ASIP: variants seen among roughly 807,000 people sequenced by gnomAD.
ASIP encodes the protein agouti signaling protein.
A neutral mutation model predicts 10.3 loss-of-function variants in ASIP; 11 were observed. That is an observed-to-expected ratio of 1.07 (90% CI 0.68 to 1.78). The LOEUF (loss-of-function observed/expected upper bound fraction) is 1.78. Ranked by LOEUF, ASIP falls within the 40% of genes most tolerant of loss-of-function variation. The pLI, the probability that ASIP is intolerant of heterozygous loss-of-function variation, is 0.00. For synonymous variants in ASIP, 70 were observed against 70.8 expected, an observed-to-expected ratio of 0.99 and a Z score of 0.06; for missense variants, 180 against 169.2, an observed-to-expected ratio of 1.06 and a Z score of -0.35.
In ASIP at chr20:34,260,436, AC is replaced by A. The variant is rs2035669604; in HGVS notation, c.63del (p.Asn21LysfsTer16). ...GTCTTCCTCTGCTTCTTCACTGCCA[AC>A]AGCCACCTGCCACCTGAGGAGAAGC... ...LLVFLCFFTA[N>X]SHLPPEEKLR... is the part of the protein sequence containing the mutation. On this transcript the variant is annotated frameshift_variant, in exon 2 of 4. Coordinates refer to ENST00000374954, the MANE Select transcript of ASIP (RefSeq NM_001672.3). LOFTEE classifies it high-confidence loss of function. 1 of 1,613,920 alleles carries A rather than the reference AC, an allele frequency of 6.2e-7. No homozygotes were observed. Among genetic ancestry groups the A allele is most frequent in the African/African-American group, 1.3e-5 (1 of 74,906 alleles).
upstream of ASIP, among the ~76,000 whole-genome samples, chr20:34,193,541 T>C (rs2034837192): frequency 1.3e-5 from 2 of 152,126 alleles, no homozygotes; most frequent in Non-Finnish European, 1.5e-5. Flanking sequence ...GCACAAAGGA[T>C]TGAAAGGGCT....
chr20:34,233,143 CT>C (rs755217642), intron 1 of ASIP, among the ~76,000 whole-genome samples: 22,433 of 100,052 alleles, frequency 0.22, 1,437 homozygotes, highest in Admixed American at 0.27. Context: ...GGGACAAGAG[CT>C]TTTTTTTTTT....
At position 34,269,169 on chromosome 20, in the gene ASIP, C is replaced by A; in HGVS notation, c.*2C>A. Reference sequence around the variant, plus strand: ...CGCGTGCTCAGCCTCAACTGCTGAGCGCCCCCACTCCCGGCCGCGAGCAGG... The same window carrying A: ...CGCGTGCTCAGCCTCAACTGCTGAGAGCCCCCACTCCCGGCCGCGAGCAGG... On this transcript the variant is annotated 3_prime_UTR_variant, in exon 4 of 4. Coordinates refer to ENST00000374954, the MANE Select transcript of ASIP (RefSeq NM_001672.3). 1 of 1,516,784 alleles carries A rather than the reference C, an allele frequency of 6.6e-7. No homozygotes were observed. The highest frequency in any genetic ancestry group is 8.8e-7 in the Non-Finnish European group (1 of 1,131,366). The allele number at this position is 1,516,784 out of a possible 1,614,324, so 94.0% of individuals were successfully genotyped here. A position where few individuals can be genotyped will look rare whatever the true frequency, so the allele number is the denominator to read the frequency against.
At chr20:34,215,337 T>G in intron 1 of ASIP, 1 of 1,573,426 alleles carries the variant, frequency 6.4e-7, no homozygotes. Flanking sequence ...GGTACCATGA[T>G]TCCACCAGAT....
At chr20:34,239,227 T>A (rs570233187), upstream of ASIP, among the ~76,000 whole-genome samples, 2 of 152,130 alleles carry the variant, frequency 1.3e-5, no homozygotes, top group African/African-American at 4.8e-5. Flanking sequence ...CAACCCCATG[T>A]TCAAATACTT....
At chr20:34,261,353 A>T (rs1308738281) in intron 2 of ASIP, among the ~76,000 whole-genome samples, 3 of 152,036 alleles carry the variant, frequency 2.0e-5, no homozygotes, top group African/African-American at 4.8e-5. Context: ...TTTAAAAACT[A>T]GCAAGGCACG....
At chr20:34,210,369 G>C (rs1163667150) in intron 1 of ASIP, among the ~76,000 whole-genome samples, 1 of 152,248 alleles carries the variant, frequency 6.6e-6, no homozygotes, top group Non-Finnish European at 1.5e-5. Flanking sequence ...ACATTCCCCA[G>C]TGGCAGGTGT....
chr20:34,245,381 A>G (rs554790902), intron 1 of ASIP, among the ~76,000 whole-genome samples: 11 of 151,018 alleles, frequency 7.3e-5, no homozygotes, highest in Non-Finnish European at 1.3e-4. Context: ...GTCAGTACCA[A>G]ATGACCAAAT....
At position 34,202,845 on chromosome 20, in the gene ASIP, G is replaced by A. The variant is rs557287602; in HGVS notation, c.-11+8085G>A. On this transcript the variant is annotated intron_variant, in intron 1 of 3. Transcript: ENST00000568305. ...TTTTTTCGAGATGGAGTCTTGCTCT[G>A]TTGCCCAGGCTGGAGTGCAGCGGCA... Among the ~76,000 whole-genome samples the A allele has an allele frequency of 5.0e-4, 53 of 107,056 alleles. No homozygotes were observed. The East Asian group carries it at 0.015, about 30-fold the overall frequency. 70.2% of individuals were successfully genotyped at this position (107,056 alleles called of 152,430 possible). A position where few individuals can be genotyped will look rare whatever the true frequency, so the allele number is the denominator to read the frequency against.
chr20:34,234,646 A>T (rs2035154250), intron 1 of ASIP, among the ~76,000 whole-genome samples: 1 of 152,034 alleles, frequency 6.6e-6, no homozygotes, highest in Non-Finnish European at 1.5e-5. Flanking sequence ...TACTAAAAAT[A>T]CAAAAATTCG....
intron 1 of ASIP, among the ~76,000 whole-genome samples, chr20:34,259,379 G>T (rs561725362): frequency 1.3e-5 from 2 of 151,754 alleles, no homozygotes; most frequent in Non-Finnish European, 2.9e-5. Flanking sequence ...CAGGTGTGGT[G>T]GTGGGCACCT....
intron 1 of ASIP, among the ~76,000 whole-genome samples, chr20:34,221,152 G>T (rs1258444268): frequency 1.3e-5 from 2 of 151,908 alleles, no homozygotes; most frequent in Non-Finnish European, 2.9e-5. Context: ...GCTGAGGCGG[G>T]TGGATCACGA....
At chr20:34,187,420 A>G in the ASIP span, among the ~76,000 whole-genome samples, 1 of 152,184 alleles carries the variant, frequency 6.6e-6, no homozygotes, top group Non-Finnish European at 1.5e-5. Context: ...GAAAAAATCA[A>G]TCCCCTGCTC....
At chr20:34,203,679 G>A (rs955961623) in intron 1 of ASIP, among the ~76,000 whole-genome samples, 3 of 152,104 alleles carry the variant, frequency 2.0e-5, no homozygotes, top group Admixed American at 1.3e-4. Flanking sequence ...TTACAGGCAT[G>A]AGCCAATGCA....
At chr20:34,219,636 A>C (rs2035032013) in intron 1 of ASIP, among the ~76,000 whole-genome samples, 1 of 152,244 alleles carries the variant, frequency 6.6e-6, no homozygotes, top group African/African-American at 2.4e-5. Flanking sequence ...ACACTGTATA[A>C]GCACTTACTA....
intron 1 of ASIP, among the ~76,000 whole-genome samples, chr20:34,198,056 ATTT>A (rs35269112): frequency 4.5e-5 from 6 of 132,336 alleles, no homozygotes; most frequent in Admixed American, 7.5e-5. Context: ...TGATTGCTTA[ATTT>A]TTTTTTTTTT....
At chr20:34,268,240 G>A (rs1052735967) in intron 3 of ASIP, among the ~76,000 whole-genome samples, 2 of 152,170 alleles carry the variant, frequency 1.3e-5, no homozygotes, top group Non-Finnish European at 2.9e-5. Flanking sequence ...TTCCTTCCCA[G>A]GAAAAGAAGC....
intron 1 of ASIP, among the ~76,000 whole-genome samples, chr20:34,256,998 C>G (rs2035580288): frequency 6.6e-6 from 1 of 152,048 alleles, no homozygotes; most frequent in South Asian, 2.1e-4. Flanking sequence ...CATCTCCATC[C>G]TTTACTTTCC....
chr20:34,215,603 T>C (rs2035002453), intron 1 of ASIP: 1 of 1,488,802 alleles, frequency 6.7e-7, no homozygotes, highest in Admixed American at 1.7e-5. Context: ...AAAGGTCTTC[T>C]CTGGTTGGGG....
Sources: allele counts gnomAD v4.1 joint callset (sites outside exome capture counted in the v4.1 genomes callset), GRCh38; gene constraint gnomAD v4.1.1; transcripts MANE v1.5; gene names NCBI Gene and HGNC (gene_info 2026-07-23, HGNC 2026-07-21).